Variants in CACNA1C observed in about 807,000 individuals in gnomAD.
The protein encoded by CACNA1C is calcium voltage-gated channel subunit alpha1 C.
A neutral mutation model predicts 229.0 loss-of-function variants in CACNA1C; 30 were observed. The ratio of observed to expected loss-of-function variants is 0.13; its 90% CI spans 0.10 to 0.18. CACNA1C has a LOEUF of 0.18. CACNA1C is among the 10% of genes least tolerant of loss of function. CACNA1C has a pLI of 1.00. For missense variants in CACNA1C, 1,658 were observed against 2,845.0 expected, an observed-to-expected ratio of 0.58 and a Z score of 9.49; for synonymous variants, 1,114 against 1,132.5, an observed-to-expected ratio of 0.98 and a Z score of 0.33.
In CACNA1C at chr12:2,585,704, A is replaced by C. The variant is rs1236152314; in HGVS notation, c.2461-131A>C. ...GCCATCTGCTGATGTCTTGAAGGAG[A>C]TATGCAAAGTGACAAGTACCTATTT... On this transcript the variant is annotated intron_variant, in intron 17 of 46. Coordinates refer to ENST00000399655, the MANE Select transcript of CACNA1C (RefSeq NM_000719.7). The surrounding 1 kb of genome is among the most constrained non-coding windows in gnomAD (Gnocchi z 4.1). 2 of 889,142 alleles carry C rather than the reference A, an allele frequency of 2.2e-6. No individual in the cohort carries two copies. The highest frequency in any genetic ancestry group is 3.3e-5 in the African/African-American group (2 of 60,168). 55.1% of individuals were successfully genotyped at this position (889,142 alleles called of 1,614,324 possible).
chr12:2,404,712 C>T (rs1263835675), intron 3 of CACNA1C, among the ~76,000 whole-genome samples: 2 of 152,118 alleles, frequency 1.3e-5, no homozygotes, highest in African/African-American at 4.8e-5. Context: ...TTTGTCTCGT[C>T]AGCTTCTGGG....
intron 11 of CACNA1C, among the ~76,000 whole-genome samples, chr12:2,565,284 A>T (rs538868596): frequency 1.1e-4 from 16 of 151,636 alleles, no homozygotes; most frequent in Admixed American, 5.3e-4. Flanking sequence ...CTGGCTAACA[A>T]GGTGAAACCC....
At position 2,685,604 on chromosome 12, in the gene CACNA1C, C is replaced by A; in HGVS notation, c.5574-132C>A. On this transcript the variant is annotated intron_variant, in intron 43 of 46. Coordinates refer to ENST00000399655, the MANE Select transcript of CACNA1C (RefSeq NM_000719.7). ...CTTCTTGGGGTGGCAATTCCCCAAA[C>A]CTGCATGTAAGCACAAAGTGTGCGT... 5 of 687,292 alleles carry A rather than the reference C, an allele frequency of 7.3e-6. No homozygotes were observed. The South Asian group carries it at 8.2e-5, about 11-fold the overall frequency. The allele number at this position is 687,292 out of a possible 1,614,324, so 42.6% of individuals were successfully genotyped here.
chr12:2,062,298 C>T (rs542010984), intron 1 of CACNA1C, among the ~76,000 whole-genome samples: 2 of 152,334 alleles, frequency 1.3e-5, no homozygotes, highest in Admixed American at 6.5e-5. Context: ...TTTATCCTTA[C>T]AGTAATCCTA....
At chr12:2,210,032 T>C (rs1441527285) in intron 3 of CACNA1C, among the ~76,000 whole-genome samples, 1 of 152,186 alleles carries the variant, frequency 6.6e-6, no homozygotes, top group African/African-American at 2.4e-5. Context: ...GAGAAAGAGA[T>C]GCTTATCCTT....
intron 3 of CACNA1C, among the ~76,000 whole-genome samples, chr12:2,321,266 C>T (rs1007630434): frequency 7.2e-5 from 11 of 151,886 alleles, no homozygotes; most frequent in African/African-American, 2.7e-4. Flanking sequence ...CTTGGCTCCT[C>T]CTTTGTTCCT....
Position 2,451,697 on chromosome 12 carries a change from C to G in CACNA1C, c.617+2582C>G, listed in dbSNP as rs1456028080. Among the ~76,000 whole-genome samples the G allele has an allele frequency of 2.0e-5, 3 of 152,334 alleles. No individual in the cohort carries two copies. The East Asian group carries it at 5.8e-4, about 29-fold the overall frequency. ...GACCCGCTTCATCCCTTAGACTCCT[C>G]CACACAACCACAAGGGGCCAGGCTT... On this transcript the variant is annotated intron_variant, in intron 4 of 46. Transcript: ENST00000399655.
At chr12:2,456,973 G>A (rs750579541) in intron 4 of CACNA1C, among the ~76,000 whole-genome samples, 16 of 152,238 alleles carry the variant, frequency 1.1e-4, no homozygotes, top group Non-Finnish European at 1.3e-4. Flanking sequence ...TGGCAGGGCT[G>A]AAAGCCCTGT....
chr12:2,013,591 C>T (rs2044802976), intron 1 of CACNA1C, among the ~76,000 whole-genome samples: 2 of 152,144 alleles, frequency 1.3e-5, no homozygotes, highest in East Asian at 3.8e-4. Context: ...GCAAAAAACA[C>T]AGATACAGAT....
chr12:2,394,190 G>A (rs991454417), intron 3 of CACNA1C, among the ~76,000 whole-genome samples: 1 of 151,700 alleles, frequency 6.6e-6, no homozygotes, highest in African/African-American at 2.4e-5. Flanking sequence ...GAACCAGCAC[G>A]GGCCAGGCGG....
At chr12:2,416,122 C>G (rs1243524353) in intron 3 of CACNA1C, among the ~76,000 whole-genome samples, 2 of 152,198 alleles carry the variant, frequency 1.3e-5, no homozygotes, top group Non-Finnish European at 2.9e-5. Flanking sequence ...AGAGAGGCCT[C>G]TCTCAGCCCT....
intron 29 of CACNA1C, among the ~76,000 whole-genome samples, chr12:2,618,123 G>C (rs1031847742): frequency 6.6e-6 from 1 of 152,238 alleles, no homozygotes; most frequent in Non-Finnish European, 1.5e-5. Context: ...GTTGGAGTCT[G>C]TGGCGCCAGG....
intron 9 of CACNA1C, among the ~76,000 whole-genome samples, chr12:2,513,902 C>A (rs1177704334): frequency 6.6e-6 from 1 of 152,326 alleles, no homozygotes; most frequent in South Asian, 2.1e-4. Context: ...TTTGGGTTAA[C>A]TCTAACCACT....
At chr12:2,463,052 A>C (rs374984408) in intron 5 of CACNA1C, among the ~76,000 whole-genome samples, 1 of 150,802 alleles carries the variant, frequency 6.6e-6, no homozygotes, top group Non-Finnish European at 1.5e-5. Flanking sequence ...AGCTGGGACT[A>C]TAGGCACCCG....
intron 3 of CACNA1C, among the ~76,000 whole-genome samples, chr12:2,297,137 T>C (rs1018080214): frequency 2.0e-5 from 3 of 152,194 alleles, no homozygotes; most frequent in Non-Finnish European, 4.4e-5. Context: ...CAACTCCGAT[T>C]GCATGAGCAG....
At chr12:1,991,644 C>T (rs2039452807) in intron 1 of CACNA1C, 1 of 183,282 alleles carries the variant, frequency 5.5e-6, no homozygotes, top group South Asian at 1.1e-4. Flanking sequence ...TAAACGGCCA[C>T]AGTAGTTAGT....
In CACNA1C at chr12:1,987,228, G is replaced by A. The variant is rs892692163; in HGVS notation, c.139+16027G>A. On this transcript the variant is annotated intron_variant, in intron 1 of 46. Transcript: ENST00000682462. Reference sequence around the variant, plus strand: ...CCTCTATACAGTTTTATTCTTGAATGGATTTTCCTACAGAAATAATCCTAC... The same window carrying A: ...CCTCTATACAGTTTTATTCTTGAATAGATTTTCCTACAGAAATAATCCTAC... Among the ~76,000 whole-genome samples the A allele has an allele frequency of 5.9e-4, 90 of 152,278 alleles. 3 individuals are homozygous for A. Among genetic ancestry groups the A allele is most frequent in the Admixed American group, 5.0e-3 (77 of 15,306 alleles).
chr12:2,605,207 C>T lies in CACNA1C; in HGVS notation c.3048+39C>T, dbSNP rs1465264243. 1 of 1,407,742 alleles carries T rather than the reference C, an allele frequency of 7.1e-7. No individual in the cohort carries two copies. The highest frequency in any genetic ancestry group is 1.0e-6 in the Non-Finnish European group (1 of 992,446). The allele number at this position is 1,407,742 out of a possible 1,614,324, so 87.2% of individuals were successfully genotyped here. A position where few individuals can be genotyped will look rare whatever the true frequency, so the allele number is the denominator to read the frequency against. ...TTGGGTAGGGAGTCTCCAGCCAGCC[C>T]ATTGGGGAGTGGGAGCTCCACAGAG... On this transcript the variant is annotated intron_variant, in intron 23 of 46. Transcript: ENST00000399655. The surrounding 1 kb of genome is among the most constrained non-coding windows in gnomAD (Gnocchi z 6.2).
At chr12:2,502,518 G>A (rs1022599935) in intron 7 of CACNA1C, among the ~76,000 whole-genome samples, 8 of 152,342 alleles carry the variant, frequency 5.3e-5, no homozygotes, top group East Asian at 3.9e-4. Flanking sequence ...TGAATTTCAC[G>A]ATGGCATGGC....
Sources: allele counts gnomAD v4.1 joint callset (sites outside exome capture counted in the v4.1 genomes callset), GRCh38; gene constraint gnomAD v4.1.1; non-coding constraint Gnocchi (gnomAD v3.1); transcripts MANE v1.5; gene names NCBI Gene and HGNC (gene_info 2026-07-23, HGNC 2026-07-21).